Variants in CREB5 observed in about 807,000 individuals in gnomAD.
CREB5 encodes cAMP responsive element binding protein 5, also known as cyclic AMP-responsive element-binding protein 5.
CREB5 carries 19 observed loss-of-function variants against 57.1 expected under a neutral mutation model. That is an observed-to-expected ratio of 0.33 (90% CI 0.23 to 0.49). CREB5 has a LOEUF of 0.49. Ranked by LOEUF, CREB5 falls within the 20% of genes least tolerant of loss-of-function variation. The probability of loss-of-function intolerance (pLI) is 0.99; values close to 1 mark genes in which losing one functional copy is unlikely to be tolerated. For synonymous variants in CREB5, 238 were observed against 238.3 expected (o/e 1.00, Z 0.01); for missense variants, 579 against 671.6 (o/e 0.86, Z 1.52).
At chr7:28,377,696 A>T (rs1003256039) in intron 1 of CREB5, among the ~76,000 whole-genome samples, 1 of 151,964 alleles carries the variant, frequency 6.6e-6, no homozygotes, top group Non-Finnish European at 1.5e-5. Context: ...CGTAAGCTGA[A>T]GATTAGAATT....
intron 7 of CREB5, among the ~76,000 whole-genome samples, chr7:28,769,509 T>TA (rs1806208481): frequency 6.6e-6 from 1 of 152,204 alleles, no homozygotes; most frequent in Non-Finnish European, 1.5e-5. Context: ...TTAGTAAATA[T>TA]AAATTAATTT....
intron 1 of CREB5, among the ~76,000 whole-genome samples, chr7:28,360,151 A>T (rs576906749): frequency 6.6e-6 from 1 of 152,314 alleles, no homozygotes; most frequent in African/African-American, 2.4e-5. Context: ...CCACTGTGAA[A>T]AACCATATGG....
chr7:28,499,190 A>AAT (rs1792177229), intron 3 of CREB5, among the ~76,000 whole-genome samples: 1 of 151,670 alleles, frequency 6.6e-6, no homozygotes, highest in African/African-American at 2.4e-5. Flanking sequence ...AAAAAAAAAA[A>AAT]AAAAGACCCA....
At chr7:28,567,789 G>A (rs1364488990) in intron 4 of CREB5, among the ~76,000 whole-genome samples, 2 of 152,196 alleles carry the variant, frequency 1.3e-5, no homozygotes, top group Non-Finnish European at 2.9e-5. Context: ...TATCTAGAAT[G>A]TGGAATGAAT....
chr7:28,789,103 T>C lies in CREB5; in HGVS notation c.703-15096T>C, dbSNP rs142556327. On this transcript the variant is annotated intron_variant, in intron 7 of 10. Transcript: ENST00000357727. The stretch of plus-strand genomic sequence containing the variant: ...GACTTTAAGTTGCATTTGAAATGTT[T>C]CACTCAGTTGTCCTGACAAGATAAT... 4.2e-3 allele frequency among the ~76,000 whole-genome samples: 636 copies of C among 152,316 alleles called. 2 individuals are homozygous for C. Among genetic ancestry groups the C allele is most frequent in the Non-Finnish European group, 6.9e-3 (467 of 68,026 alleles).
chr7:28,698,911 A>G (rs375349667), intron 5 of CREB5, among the ~76,000 whole-genome samples: 166 of 152,324 alleles, frequency 1.1e-3, no homozygotes, highest in African/African-American at 3.7e-3. Context: ...TCTGTATTCA[A>G]TGCCCTCCAA....
At chr7:28,638,102 C>A (rs1387795904) in intron 5 of CREB5, among the ~76,000 whole-genome samples, 1 of 152,030 alleles carries the variant, frequency 6.6e-6, no homozygotes, top group African/African-American at 2.4e-5. Context: ...CTGGATTTTT[C>A]CAATGTTTAT....
intron 7 of CREB5, among the ~76,000 whole-genome samples, chr7:28,742,333 G>A (rs1206720284): frequency 3.9e-5 from 6 of 151,960 alleles, no homozygotes; most frequent in African/African-American, 1.5e-4. Flanking sequence ...TTGGGAGGCC[G>A]AGGCGGGCAG....
intron 7 of CREB5, among the ~76,000 whole-genome samples, chr7:28,768,192 CCTT>C (rs1474342382): frequency 1.3e-5 from 2 of 152,004 alleles, no homozygotes; most frequent in South Asian, 2.1e-4. Flanking sequence ...AGGGAAGGGA[CCTT>C]CTTCTGTTTC....
chr7:28,558,757 A>G (rs1794968628), intron 4 of CREB5, among the ~76,000 whole-genome samples: 1 of 152,192 alleles, frequency 6.6e-6, no homozygotes, highest in African/African-American at 2.4e-5. Flanking sequence ...CTTTCCAGAG[A>G]GTGCTACATT....
At chr7:28,648,553 TAGTG>T (rs1464766223) in intron 5 of CREB5, among the ~76,000 whole-genome samples, 3 of 151,932 alleles carry the variant, frequency 2.0e-5, no homozygotes, top group African/African-American at 7.3e-5. Flanking sequence ...CTGGGAAACA[TAGTG>T]AGACCTCATC....
At chr7:28,560,913 T>TGTGTGTGCGCGC (rs1211404751) in intron 4 of CREB5, among the ~76,000 whole-genome samples, 1 of 21,952 alleles carries the variant, frequency 4.6e-5, no homozygotes, top group African/African-American at 1.7e-4. Flanking sequence ...CGCGTGCGTG[T>TGTGTGTGCGCGC]GCGTGTGTGC....
intron 8 of CREB5, among the ~76,000 whole-genome samples, chr7:28,806,402 C>G (rs1293892503): frequency 6.6e-6 from 1 of 152,054 alleles, no homozygotes; most frequent in African/African-American, 2.4e-5. Flanking sequence ...TGAGATCTTG[C>G]CATTTTGCTT....
chr7:28,496,598 C>T (rs79416795), intron 3 of CREB5, among the ~76,000 whole-genome samples: 2,538 of 152,186 alleles, frequency 0.017, 44 homozygotes, highest in African/African-American at 0.044. Context: ...AACCTGCACA[C>T]GGCTACTGCA....
chr7:28,763,763 A>T (rs904087092), intron 7 of CREB5, among the ~76,000 whole-genome samples: 7 of 151,504 alleles, frequency 4.6e-5, no homozygotes, highest in African/African-American at 1.7e-4. Context: ...TATTCATGAG[A>T]TTTGAAAGCA....
At chr7:28,726,271 G>A (rs777114285) in intron 7 of CREB5, among the ~76,000 whole-genome samples, 29 of 152,070 alleles carry the variant, frequency 1.9e-4, no homozygotes, top group Non-Finnish European at 2.2e-4. Context: ...TCTGCCCCAA[G>A]CTCCCACCTC....
At chr7:28,490,467 A>G (rs765623303) in intron 2 of CREB5, among the ~76,000 whole-genome samples, 1 of 152,220 alleles carries the variant, frequency 6.6e-6, no homozygotes, top group Non-Finnish European at 1.5e-5. Context: ...TGTGTAGGAC[A>G]GTAGAGGAGA....
intron 4 of CREB5, among the ~76,000 whole-genome samples, chr7:28,558,023 G>A (rs996261601): frequency 8.5e-5 from 13 of 152,292 alleles, no homozygotes; most frequent in African/African-American, 2.9e-4. Flanking sequence ...CAGGATTTCT[G>A]GAAGTTTCTT....
intron 5 of CREB5, among the ~76,000 whole-genome samples, chr7:28,612,543 G>GTGTGT (rs1797431130): frequency 7.3e-6 from 1 of 137,298 alleles, no homozygotes; most frequent in Non-Finnish European, 1.6e-5. Context: ...TTAGAGAAGG[G>GTGTGT]GTGTGTGTGT....
Sources: allele counts gnomAD v4.1 joint callset (sites outside exome capture counted in the v4.1 genomes callset), GRCh38; gene constraint gnomAD v4.1.1; transcripts MANE v1.5; gene names NCBI Gene and HGNC (gene_info 2026-07-23, HGNC 2026-07-21).